CRACDL: variants seen among roughly 807,000 people sequenced by gnomAD.
CRACDL encodes CRACD-like protein.
In CRACDL, 26 loss-of-function variants were observed where a neutral mutation model predicts 70.6. The observed-to-expected ratio is 0.37, with a 90% CI of 0.27 to 0.51. The LOEUF is 0.51. Among genes scored for constraint, CRACDL ranks in the 20% least tolerant of loss-of-function variants. The pLI, the probability that CRACDL is intolerant of heterozygous loss-of-function variation, is 0.94. For synonymous variants in CRACDL, 618 were observed against 615.2 expected (o/e 1.00, Z -0.07); for missense variants, 1,283 against 1,376.9 (o/e 0.93, Z 1.08).
chr2:98,835,666 C>T (rs994381034), intron 3 of CRACDL, among the ~76,000 whole-genome samples: 16 of 152,068 alleles, frequency 1.1e-4, no homozygotes, highest in African/African-American at 3.9e-4. Context: ...TAGGGGGCCA[C>T]GTCATTACTC....
At chr2:98,922,240 C>A (rs915044019) in intron 1 of CRACDL, among the ~76,000 whole-genome samples, 24 of 151,766 alleles carry the variant, frequency 1.6e-4, no homozygotes, top group Admixed American at 1.6e-3. Context: ...TCGAGACCAG[C>A]CTGACCAACA....
intron 1 of CRACDL, among the ~76,000 whole-genome samples, chr2:98,891,098 G>A (rs1335253123): frequency 6.6e-6 from 1 of 151,666 alleles, no homozygotes; most frequent in Non-Finnish European, 1.5e-5. Context: ...CAAACTTTGG[G>A]CTGGACGCAG....
At chr2:98,866,930 T>C (rs1707169742) in intron 1 of CRACDL, among the ~76,000 whole-genome samples, 1 of 152,182 alleles carries the variant, frequency 6.6e-6, no homozygotes, top group Non-Finnish European at 1.5e-5. Context: ...AAACATCATC[T>C]ACCCTATAGC....
chr2:98,795,034 A>T, intron 9 of CRACDL, among the ~76,000 whole-genome samples: 1 of 59,928 alleles, frequency 1.7e-5, no homozygotes, highest in East Asian at 5.9e-4. Context: ...CCTTACCATA[A>T]TTAAAAATAT....
At chr2:98,857,851 G>A (rs1395958115) in intron 1 of CRACDL, among the ~76,000 whole-genome samples, 2 of 152,166 alleles carry the variant, frequency 1.3e-5, no homozygotes, top group Non-Finnish European at 1.5e-5. Flanking sequence ...GTATGTGTAT[G>A]TGTGTATATA....
At chr2:98,885,428 G>A (rs1283318044) in intron 1 of CRACDL, among the ~76,000 whole-genome samples, 2 of 152,162 alleles carry the variant, frequency 1.3e-5, no homozygotes, top group East Asian at 3.9e-4. Flanking sequence ...CATAGCAACT[G>A]CATTTTTAAA....
At position 98,795,077 on chromosome 2, in the gene CRACDL, A is replaced by ATTTTTTTTTTTTTTTTTTT. The variant is rs1181969802; in HGVS notation, c.2750-407_2750-406insAAAAAAAAAAAAAAAAAAA. 1.2e-4 allele frequency among the ~76,000 whole-genome samples: 7 copies of ATTTTTTTTTTTTTTTTTTT among 58,494 alleles called. 1 individual carries two copies. Among genetic ancestry groups the ATTTTTTTTTTTTTTTTTTT allele is most frequent in the African/African-American group, 2.0e-4 (3 of 15,100 alleles). 38.4% of individuals were successfully genotyped at this position (58,494 alleles called of 152,430 possible). A position where few individuals can be genotyped will look rare whatever the true frequency, so the allele number is the denominator to read the frequency against. On this transcript the variant is annotated intron_variant, in intron 9 of 9. Coordinates refer to ENST00000397899, the MANE Select transcript of CRACDL (RefSeq NM_207362.3). The stretch of plus-strand genomic sequence containing the variant: ...TATATATATATATATATATATATAT[A>ATTTTTTTTTTTTTTTTTTT]TTTTTTTTTTTTTTTGAGACAGAAG...
intron 7 of CRACDL, among the ~76,000 whole-genome samples, chr2:98,805,723 A>T (rs1704264243): frequency 6.6e-6 from 1 of 152,212 alleles, no homozygotes; most frequent in African/African-American, 2.4e-5. Context: ...CCCAGCCACC[A>T]GCATGGGGCT....
chr2:98,855,742 A>T (rs1461014725), intron 1 of CRACDL, among the ~76,000 whole-genome samples: 1 of 152,198 alleles, frequency 6.6e-6, no homozygotes, highest in Non-Finnish European at 1.5e-5. Flanking sequence ...AAGAGTTAAA[A>T]GAAGGGATGA....
chr2:98,923,374 T>C (rs756782873), intron 1 of CRACDL, among the ~76,000 whole-genome samples: 2 of 152,008 alleles, frequency 1.3e-5, no homozygotes, highest in Non-Finnish European at 1.5e-5. Context: ...ATGGGGAAAA[T>C]GGTACTTTGT....
chr2:98,917,607 C>T (rs1708698515), intron 1 of CRACDL, among the ~76,000 whole-genome samples: 5 of 152,240 alleles, frequency 3.3e-5, no homozygotes, highest in Admixed American at 3.3e-4. Flanking sequence ...CTTTCTCACA[C>T]TTACTGACAT....
At chr2:98,907,057 C>T (rs1708433212) in intron 1 of CRACDL, among the ~76,000 whole-genome samples, 2 of 152,108 alleles carry the variant, frequency 1.3e-5, no homozygotes, top group African/African-American at 2.4e-5. Context: ...TTTAGGAGGC[C>T]GAGGTGGGTT....
At chr2:98,899,372 G>A (rs577413839) in intron 1 of CRACDL, among the ~76,000 whole-genome samples, 53 of 152,390 alleles carry the variant, frequency 3.5e-4, no homozygotes, top group Non-Finnish European at 3.2e-4. Context: ...TGTAGTCAGA[G>A]GGAGAGCAGA....
intron 1 of CRACDL, among the ~76,000 whole-genome samples, chr2:98,930,818 C>G (rs1480329116): frequency 6.6e-6 from 1 of 152,148 alleles, no homozygotes; most frequent in East Asian, 1.9e-4. Context: ...GGGGTCCTAA[C>G]TGGTAGTTAT....
Position 98,823,018 on chromosome 2 carries a change from C to G in CRACDL, c.1255G>C (p.Ala419Pro). The stretch of plus-strand genomic sequence containing the variant: ...GCAGAGGGCGCCTCTGAGGTGGCGG[C>G]GGGGTCAGTCTCGGGGGGAGTCGTG... ...GDTTPPETDPAATSEAPSARD... is the reference protein window; with the variant it reads ...GDTTPPETDPPATSEAPSARD... Residue 419 changes from alanine to proline, a missense_variant, in exon 7 of 10, where the codon GCC (alanine) becomes CCC (proline). Transcript: ENST00000397899. The surrounding 1 kb of genome is among the most constrained non-coding windows in gnomAD (Gnocchi z 4.0). The G allele has an allele frequency of 6.6e-7, 1 of 1,517,516 alleles. No homozygotes were observed. The highest frequency in any genetic ancestry group is 2.1e-5 in the Admixed American group (1 of 47,254). 94.0% of individuals were successfully genotyped at this position (1,517,516 alleles called of 1,614,324 possible).
At chr2:98,846,701 C>T in intron 2 of CRACDL, 30 bp downstream of exon 2, 4 of 1,580,198 alleles carry the variant, frequency 2.5e-6, no homozygotes, top group Non-Finnish European at 3.5e-6. Context: ...AGCAAGTGCC[C>T]TCCCCAGAGC....
intron 1 of CRACDL, among the ~76,000 whole-genome samples, chr2:98,871,973 G>A (rs939056652): frequency 5.3e-5 from 8 of 152,278 alleles, no homozygotes; most frequent in Admixed American, 2.6e-4. Flanking sequence ...TGTACACCAC[G>A]GAATATTACA....
At chr2:98,908,551 T>G (rs902057466) in intron 1 of CRACDL, 2 of 152,308 alleles carry the variant, frequency 1.3e-5, no homozygotes, top group African/African-American at 4.8e-5. Context: ...CAGAAAGATT[T>G]TATCAGCCCA....
chr2:98,814,447 T>G (rs1704702060), intron 7 of CRACDL, among the ~76,000 whole-genome samples: 1 of 152,224 alleles, frequency 6.6e-6, no homozygotes, highest in African/African-American at 2.4e-5. Context: ...AAATATTTGA[T>G]GATCTTTTTC....
Sources: allele counts gnomAD v4.1 joint callset (sites outside exome capture counted in the v4.1 genomes callset), GRCh38; gene constraint gnomAD v4.1.1; non-coding constraint Gnocchi (gnomAD v3.1); transcripts MANE v1.5; gene names NCBI Gene and HGNC (gene_info 2026-07-23, HGNC 2026-07-21).